Variants in GRIN2B observed in about 807,000 individuals in gnomAD.
GRIN2B encodes glutamate receptor ionotropic, NMDA 2B.
GRIN2B carries 5 observed loss-of-function variants against 114.5 expected under a neutral mutation model. The observed-to-expected ratio is 0.04, with a 90% confidence interval of 0.02 to 0.09. GRIN2B has a LOEUF of 0.09. Ranked by LOEUF, GRIN2B falls within the 10% of genes least tolerant of loss-of-function variation. The probability of loss-of-function intolerance (pLI) is 1.00; values close to 1 mark genes in which losing one functional copy is unlikely to be tolerated. For synonymous variants in GRIN2B, 787 were observed against 745.1 expected (o/e 1.06, Z -0.92); for missense variants, 1,108 against 1,943.5 (o/e 0.57, Z 8.08).
At chr12:13,746,361 C>T (rs146068308) in intron 4 of GRIN2B, among the ~76,000 whole-genome samples, 8 of 152,296 alleles carry the variant, frequency 5.3e-5, no homozygotes, top group African/African-American at 1.4e-4. Context: ...CACCAACCCA[C>T]GTCCTTTCTG....
intron 2 of GRIN2B, among the ~76,000 whole-genome samples, chr12:13,913,042 C>T (rs982075199): frequency 2.0e-5 from 3 of 152,110 alleles, no homozygotes; most frequent in African/African-American, 7.2e-5. Flanking sequence ...CAAGCATGCC[C>T]CCCAGCCTTC....
chr12:13,564,208 G>C lies in GRIN2B; in HGVS notation c.3030C>G (p.Pro1010=), dbSNP rs1948601838. ...IDGLYDCDNP[P]FTTQSRSISK... ...TGATGGACCTGGACTGGGTGGTGAAGGGTGGGTTGTCACAGTCGTAGAGCC... is the reference window on the plus strand; with the variant it reads ...TGATGGACCTGGACTGGGTGGTGAACGGTGGGTTGTCACAGTCGTAGAGCC... Residue 1010 remains proline (P), a synonymous_variant, in exon 14 of 14, where the codon CCC becomes CCG. Transcript: ENST00000609686. The surrounding 1 kb of genome is among the most constrained non-coding windows in gnomAD (Gnocchi z 4.8). 1 of 1,614,172 alleles carries C rather than the reference G, an allele frequency of 6.2e-7. No individual in the cohort carries two copies.
At chr12:13,915,033 C>T (rs1866689954) in intron 2 of GRIN2B, among the ~76,000 whole-genome samples, 1 of 152,056 alleles carries the variant, frequency 6.6e-6, no homozygotes, top group Non-Finnish European at 1.5e-5. Flanking sequence ...TGTATATTTT[C>T]AAATAACTAG....
chr12:13,606,200 G>A (rs1024166244), intron 10 of GRIN2B, among the ~76,000 whole-genome samples: 43 of 149,300 alleles, frequency 2.9e-4, no homozygotes, highest in African/African-American at 1.0e-3. Context: ...AGGAATACCT[G>A]AGACTAGGTA....
intron 2 of GRIN2B, among the ~76,000 whole-genome samples, chr12:13,969,300 T>C (rs1407676534): frequency 2.0e-5 from 3 of 151,788 alleles, no homozygotes; most frequent in Admixed American, 6.6e-5. Context: ...GTTCCCCACA[T>C]GCAACATAAA....
At chr12:13,850,853 C>T (rs936429912) in intron 3 of GRIN2B, among the ~76,000 whole-genome samples, 6 of 152,128 alleles carry the variant, frequency 3.9e-5, no homozygotes, top group African/African-American at 1.4e-4. Flanking sequence ...TTCCACACTG[C>T]CATTAATAGT....
chr12:13,919,330 T>C (rs1161935212), intron 2 of GRIN2B, among the ~76,000 whole-genome samples: 1 of 152,186 alleles, frequency 6.6e-6, no homozygotes, highest in Non-Finnish European at 1.5e-5. Context: ...AAGTTAGGGA[T>C]TAAAAACTCC....
chr12:13,689,119 A>G (rs958740015), intron 4 of GRIN2B, among the ~76,000 whole-genome samples: 2 of 152,154 alleles, frequency 1.3e-5, no homozygotes, highest in East Asian at 1.9e-4. Context: ...AGCCATTCCC[A>G]TGGCACAAAC....
chr12:13,600,285 A>T, intron 10 of GRIN2B, among the ~76,000 whole-genome samples: 1 of 150,936 alleles, frequency 6.6e-6, no homozygotes. Flanking sequence ...TTTGTGTTTC[A>T]CAAAAAGATG....
chr12:13,916,654 C>A (rs1344108862), intron 2 of GRIN2B, among the ~76,000 whole-genome samples: 1 of 151,242 alleles, frequency 6.6e-6, no homozygotes, highest in African/African-American at 2.4e-5. Context: ...TCGAGACCAG[C>A]CTGGGCAGCA....
intron 5 of GRIN2B, among the ~76,000 whole-genome samples, chr12:13,621,025 G>C (rs992032100): frequency 6.6e-6 from 1 of 151,974 alleles, no homozygotes; most frequent in African/African-American, 2.4e-5. Context: ...TGTTTAGATA[G>C]TCACTGCCAA....
chr12:13,685,625 A>T (rs1168187069), intron 4 of GRIN2B, among the ~76,000 whole-genome samples: 1 of 152,164 alleles, frequency 6.6e-6, no homozygotes. Flanking sequence ...CATGCTATGT[A>T]TGTGAGACAG....
At chr12:13,702,635 T>C (rs1950323237) in intron 4 of GRIN2B, among the ~76,000 whole-genome samples, 1 of 152,124 alleles carries the variant, frequency 6.6e-6, no homozygotes, top group Non-Finnish European at 1.5e-5. Flanking sequence ...AGTCTATCCA[T>C]CCCTGAGAGC....
chr12:13,908,154 G>A (rs977442762), intron 2 of GRIN2B, among the ~76,000 whole-genome samples: 4 of 146,882 alleles, frequency 2.7e-5, no homozygotes, highest in Non-Finnish European at 6.1e-5. Context: ...TGAAAGCTAA[G>A]CCTTCTCAGT....
chr12:13,578,778 T>A (rs191707848), intron 10 of GRIN2B, among the ~76,000 whole-genome samples: 2 of 148,894 alleles, frequency 1.3e-5, no homozygotes, highest in Admixed American at 6.7e-5. Context: ...GGATAAAGAG[T>A]GATTGGTAGG....
chr12:13,821,202 A>G (rs74067110), intron 3 of GRIN2B, among the ~76,000 whole-genome samples: 11,319 of 152,100 alleles, frequency 0.074, 724 homozygotes, highest in African/African-American at 0.17. Context: ...GAAAAACTCA[A>G]GTATTTTTCA....
In GRIN2B at chr12:13,559,598, G is replaced by C. The variant is rs1418209479; in HGVS notation, c.*3185C>G. 6.6e-6 allele frequency: 1 copy of C among 152,196 alleles called. No homozygotes were observed. Among genetic ancestry groups the C allele is most frequent in the Non-Finnish European group, 1.5e-5 (1 of 68,022 alleles). 9.4% of individuals were successfully genotyped at this position (152,196 alleles called of 1,614,324 possible). A position where few individuals can be genotyped will look rare whatever the true frequency, so the allele number is the denominator to read the frequency against. The stretch of plus-strand genomic sequence containing the variant: ...AACCTAACTTCAGCAATCTTGCTAA[G>C]GGAATCATCTCACCACTGAGTTTCT... On this transcript the variant is annotated 3_prime_UTR_variant, in exon 14 of 14. Transcript: ENST00000609686.
At chr12:13,846,835 CA>C (rs1267158058) in intron 3 of GRIN2B, among the ~76,000 whole-genome samples, 1 of 151,504 alleles carries the variant, frequency 6.6e-6, no homozygotes, top group East Asian at 1.9e-4. Flanking sequence ...AAGAGAAGCA[CA>C]AAATTGGGAG....
intron 2 of GRIN2B, among the ~76,000 whole-genome samples, chr12:13,959,188 G>T (rs1472456286): frequency 5.3e-5 from 8 of 152,160 alleles, no homozygotes; most frequent in African/African-American, 1.9e-4. Context: ...TAAAGGAGGT[G>T]ACAGACAGAG....
Sources: allele counts gnomAD v4.1 joint callset (sites outside exome capture counted in the v4.1 genomes callset), GRCh38; gene constraint gnomAD v4.1.1; non-coding constraint Gnocchi (gnomAD v3.1); transcripts MANE v1.5; gene names NCBI Gene and HGNC (gene_info 2026-07-23, HGNC 2026-07-21).